Variants in DISP3 observed in about 807,000 individuals in gnomAD.
The protein encoded by DISP3 is protein dispatched homolog 3.
In DISP3, 101 loss-of-function variants were observed where a neutral mutation model predicts 135.3. The observed-to-expected ratio is 0.75, with a 90% CI of 0.64 to 0.88. The LOEUF (loss-of-function observed/expected upper bound fraction) is 0.88, where lower values mean the gene tolerates loss of function less well. Among genes scored for constraint, DISP3 ranks in the 40% least tolerant of loss-of-function variants. DISP3 has a pLI of 0.00. For synonymous variants in DISP3, 856 were observed against 817.0 expected (o/e 1.05, Z -0.81); for missense variants, 1,713 against 1,878.6 (o/e 0.91, Z 1.63).
chr1:11,530,900 G>A lies in DISP3; in HGVS notation c.3103-7G>A, dbSNP rs776028965. Reference sequence around the variant, plus strand: ...GGCCCGGGCCGGCTTGTTTCTCCTTGGGAAAGGGTAGTGTTGTCTACGACA... The same window carrying A: ...GGCCCGGGCCGGCTTGTTTCTCCTTAGGAAAGGGTAGTGTTGTCTACGACA... On this transcript the variant is annotated splice_polypyrimidine_tract_variant and splice_region_variant and intron_variant, in intron 15 of 20. Transcript: ENST00000294484. 6.2e-7 allele frequency: 1 copy of A among 1,613,492 alleles called. No individual in the cohort carries two copies.
chr1:11,532,548 C>T (rs1432200344), intron 17 of DISP3, among the ~76,000 whole-genome samples: 2 of 152,338 alleles, frequency 1.3e-5, no homozygotes, highest in East Asian at 3.9e-4. Flanking sequence ...CCAACAAAAC[C>T]AGCCATGAAC....
intron 1 of DISP3, among the ~76,000 whole-genome samples, chr1:11,487,376 C>T (rs572279514): frequency 2.6e-5 from 4 of 152,290 alleles, no homozygotes; most frequent in African/African-American, 7.2e-5. Flanking sequence ...GCAGCTGAGC[C>T]CAGCTCTGGG....
chr1:11,529,380 A>G lies in DISP3; in HGVS notation c.2799-176A>G, dbSNP rs1446469855. Among the ~76,000 whole-genome samples the G allele has an allele frequency of 6.6e-6, 1 of 152,032 alleles. No individual in the cohort carries two copies. Among genetic ancestry groups the G allele is most frequent in the Non-Finnish European group, 1.5e-5 (1 of 67,960 alleles). On this transcript the variant is annotated intron_variant, in intron 13 of 20. Transcript: ENST00000294484. The surrounding 1 kb of genome is among the most constrained non-coding windows in gnomAD (Gnocchi z 4.7). ...GGGCTAGAACAGCCTCCAGACCCCC[A>G]GCCCAGGGCACATCCCCCAGCCCTC...
intron 1 of DISP3, among the ~76,000 whole-genome samples, chr1:11,498,874 C>G (rs1383686902): frequency 6.6e-6 from 1 of 152,096 alleles, no homozygotes; most frequent in Admixed American, 6.5e-5. Flanking sequence ...CACTGCCTGC[C>G]CTAAATCTTA....
Position 11,501,433 on chromosome 1 carries a change from G to A in DISP3, c.441G>A (p.Thr147=). The A allele has an allele frequency of 6.3e-7, 1 of 1,593,550 alleles. No homozygotes were observed. The highest frequency in any genetic ancestry group is 1.7e-5 in the Admixed American group (1 of 57,462). ...ATTTGGCCGACTTCACCTCCGAGAC[G>A]CTTCAGCGCCTTATCTCAGAGCAGC... ...RRDLADFTSE[T]LQRLISEQLQ... Residue 147 remains threonine (T), a synonymous_variant, in exon 2 of 21, where the codon ACG becomes ACA. Coordinates refer to ENST00000294484, the MANE Select transcript of DISP3 (RefSeq NM_020780.2). This position sits in a 1 kb window ranked among gnomAD's most constrained non-coding sequence, Gnocchi z 4.9.
At chr1:11,496,210 G>C (rs116081487) in intron 1 of DISP3, among the ~76,000 whole-genome samples, 1 of 152,068 alleles carries the variant, frequency 6.6e-6, no homozygotes, top group Non-Finnish European at 1.5e-5. Context: ...TCCTTATGAG[G>C]CTCCCTAGGG....
chr1:11,509,198 T>G (rs868198693), intron 3 of DISP3, among the ~76,000 whole-genome samples: 27 of 152,180 alleles, frequency 1.8e-4, no homozygotes, highest in African/African-American at 6.3e-4. Context: ...TTCGAATATT[T>G]GGGAATTTTT....
intron 4 of DISP3, among the ~76,000 whole-genome samples, chr1:11,514,907 C>T (rs1293449785): frequency 6.6e-6 from 1 of 152,202 alleles, no homozygotes; most frequent in Non-Finnish European, 1.5e-5. Flanking sequence ...TTTTCACCTC[C>T]GTGTGCCCCT....
At chr1:11,490,830 T>G (rs1641163958) in intron 1 of DISP3, among the ~76,000 whole-genome samples, 1 of 152,280 alleles carries the variant, frequency 6.6e-6, no homozygotes, top group South Asian at 2.1e-4. Flanking sequence ...GGGTGGGGGT[T>G]GGATCAGACG....
intron 1 of DISP3, among the ~76,000 whole-genome samples, chr1:11,490,193 G>A (rs977988994): frequency 3.9e-5 from 6 of 152,200 alleles, no homozygotes; most frequent in Non-Finnish European, 7.3e-5. Flanking sequence ...CTGCTGACCC[G>A]TCAGGCCAGG....
Position 11,501,719 on chromosome 1 carries a change from G to C in DISP3, c.727G>C (p.Ala243Pro), listed in dbSNP as rs925083588. Reference sequence around the variant, plus strand: ...CAGCATCCCGCCCCACGCGGCAGTCGCGGCCAATCAGAGCCGTGCCCGCCG... The same window carrying C: ...CAGCATCCCGCCCCACGCGGCAGTCCCGGCCAATCAGAGCCGTGCCCGCCG... The part of the protein sequence containing the change: ...QPSIPPHAAV[A>P]ANQSRARRGA... Residue 243 changes from alanine to proline, a missense_variant, in exon 2 of 21, where the codon GCG becomes CCG. Coordinates refer to ENST00000294484, the MANE Select transcript of DISP3 (RefSeq NM_020780.2). This position sits in a 1 kb window ranked among gnomAD's most constrained non-coding sequence, Gnocchi z 4.9. The C allele has an allele frequency of 2.5e-6, 4 of 1,597,906 alleles. No individual in the cohort carries two copies. The highest frequency in any genetic ancestry group is 3.4e-6 in the Non-Finnish European group (4 of 1,172,206).
chr1:11,479,901 C>G (rs917827664), intron 1 of DISP3, among the ~76,000 whole-genome samples: 2 of 150,704 alleles, frequency 1.3e-5, no homozygotes, highest in African/African-American at 4.9e-5. Flanking sequence ...CAGGTCCGGC[C>G]GGGGAGGGCG....
In DISP3 at chr1:11,515,578, C is replaced by G. The variant is rs542993867; in HGVS notation, c.1588+75C>G. The stretch of plus-strand genomic sequence containing the variant: ...GCCCCATCCCCTTTCTCCCTGGATA[C>G]AAAGCCTGGCTTCCCTGGGGGCTCT... On this transcript the variant is annotated intron_variant, in intron 5 of 20. Coordinates refer to ENST00000294484, the MANE Select transcript of DISP3 (RefSeq NM_020780.2). The G allele has an allele frequency of 2.6e-5, 39 of 1,529,074 alleles. No homozygotes were observed. In the African/African-American group the frequency reaches 5.0e-4, roughly 20 times the overall value. 94.7% of individuals were successfully genotyped at this position (1,529,074 alleles called of 1,614,324 possible).
intron 1 of DISP3, among the ~76,000 whole-genome samples, chr1:11,494,029 T>C (rs1289116312): frequency 2.0e-5 from 3 of 152,182 alleles, no homozygotes; most frequent in Non-Finnish European, 4.4e-5. Context: ...TACTGACATA[T>C]CAGCTCTCAA....
Position 11,525,162 on chromosome 1 carries a change from T to C in DISP3, c.2477-14T>C. 1 of 1,612,658 alleles carries C rather than the reference T, an allele frequency of 6.2e-7. No individual in the cohort carries two copies. The highest frequency in any genetic ancestry group is 8.5e-7 in the Non-Finnish European group (1 of 1,178,826). On this transcript the variant is annotated splice_polypyrimidine_tract_variant and intron_variant, in intron 11 of 20. Transcript: ENST00000294484. ...GTCAAGTCCACCCCTCTTTCATCCC[T>C]TATTTGTCCGTAGATTTCCCAGGCA...
At chr1:11,490,476 C>T (rs1171938271) in intron 1 of DISP3, among the ~76,000 whole-genome samples, 1 of 152,146 alleles carries the variant, frequency 6.6e-6, no homozygotes, top group African/African-American at 2.4e-5. Flanking sequence ...ATCATGTTGG[C>T]CAGGCTGATA....
chr1:11,530,210 A>C (rs1324624308), intron 15 of DISP3, among the ~76,000 whole-genome samples: 1 of 152,166 alleles, frequency 6.6e-6, no homozygotes, highest in Non-Finnish European at 1.5e-5. Context: ...GAGGGACTGG[A>C]ATGGAGAGAG....
At chr1:11,498,910 T>C (rs1017530212) in intron 1 of DISP3, among the ~76,000 whole-genome samples, 3 of 152,180 alleles carry the variant, frequency 2.0e-5, no homozygotes, top group East Asian at 3.9e-4. Flanking sequence ...CCCAAGTCTG[T>C]CTGCCTCCAA....
intron 17 of DISP3, chr1:11,533,641 C>G: frequency 1.6e-6 from 1 of 639,936 alleles, no homozygotes; most frequent in Non-Finnish European, 2.9e-6. Context: ...ACTGAAGCCC[C>G]AGGCAGTTCC....
Sources: allele counts gnomAD v4.1 joint callset (sites outside exome capture counted in the v4.1 genomes callset), GRCh38; gene constraint gnomAD v4.1.1; non-coding constraint Gnocchi (gnomAD v3.1); transcripts MANE v1.5; gene names NCBI Gene and HGNC (gene_info 2026-07-23, HGNC 2026-07-21).